Variants in CPS1 observed in about 807,000 individuals in gnomAD.
The protein encoded by CPS1 is carbamoyl-phosphate synthase 1, also known as carbamoyl-phosphate synthase [ammonia], mitochondrial.
CPS1 carries 109 observed loss-of-function variants against 174.6 expected under a neutral mutation model. The ratio of observed to expected loss-of-function variants is 0.62; its 90% CI spans 0.53 to 0.73. The LOEUF is 0.73. CPS1 is among the 30% of genes least tolerant of loss of function. The pLI is 0.00. For synonymous variants in CPS1, 637 were observed against 632.0 expected (o/e 1.01, Z -0.12); for missense variants, 1,689 against 1,821.9 (o/e 0.93, Z 1.33).
intron 1 of CPS1, among the ~76,000 whole-genome samples, chr2:210,514,785 CTT>C (rs59164194): frequency 4.3e-5 from 6 of 140,838 alleles, no homozygotes; most frequent in Non-Finnish European, 4.6e-5. Context: ...GGGAATGCTT[CTT>C]TTTTTTTTTT....
chr2:210,663,252 G>T (rs956601870), intron 33 of CPS1, 55 bp downstream of exon 33: 3 of 1,511,308 alleles, frequency 2.0e-6, no homozygotes, highest in Non-Finnish European at 2.8e-6. Flanking sequence ...GAAATCTATG[G>T]TTTTATGATT....
chr2:210,486,778 A>G (rs1327761262), intron 1 of CPS1, among the ~76,000 whole-genome samples: 1 of 152,178 alleles, frequency 6.6e-6, no homozygotes, highest in Non-Finnish European at 1.5e-5. Context: ...CCAAAGTGCC[A>G]GGATTATAAG....
rs1427021188 is a variant in CPS1 at position 210,616,405 on chromosome 2, C to A, written c.2569-18C>A. The stretch of plus-strand genomic sequence containing the variant: ...GAAAAATGTTTGCCAAAGAAAGTAT[C>A]TCTTCTCCTCTTGGCAGGCCATTGA... On this transcript the variant is annotated intron_variant, in intron 20 of 37. Transcript: ENST00000233072. 3 of 1,525,330 alleles carry A rather than the reference C, an allele frequency of 2.0e-6. No individual in the cohort carries two copies. The South Asian group carries it at 3.4e-5, about 17-fold the overall frequency. 94.5% of individuals were successfully genotyped at this position (1,525,330 alleles called of 1,614,324 possible). A position where few individuals can be genotyped will look rare whatever the true frequency, so the allele number is the denominator to read the frequency against.
chr2:210,614,500 A>G (rs1699236038), intron 20 of CPS1, among the ~76,000 whole-genome samples: 1 of 151,860 alleles, frequency 6.6e-6, no homozygotes, highest in African/African-American at 2.4e-5. Context: ...GGTTGAACTA[A>G]TTTACACTCC....
At chr2:210,605,626 T>TC (rs1201084701) in intron 17 of CPS1, among the ~76,000 whole-genome samples, 1 of 151,834 alleles carries the variant, frequency 6.6e-6, no homozygotes, top group African/African-American at 2.4e-5. Flanking sequence ...AAATAAGTTT[T>TC]TCAGAAAAGT....
At chr2:210,556,521 A>G (rs1696918054), upstream of CPS1, 2 of 1,423,862 alleles carry the variant, frequency 1.4e-6, no homozygotes, top group East Asian at 2.6e-5. Context: ...ACATCTCTGG[A>G]CATTACCTCA....
chr2:210,513,970 T>G (rs1695603635), intron 1 of CPS1, among the ~76,000 whole-genome samples: 1 of 151,978 alleles, frequency 6.6e-6, no homozygotes, highest in African/African-American at 2.4e-5. Context: ...TTGTTTTTGT[T>G]GAGTTTGTCA....
intron 25 of CPS1, 77 bp downstream of exon 25, chr2:210,642,742 G>T: frequency 7.8e-7 from 1 of 1,283,766 alleles, no homozygotes; most frequent in Non-Finnish European, 1.1e-6. Flanking sequence ...TATGCATTCT[G>T]GTATATAGAT....
At chr2:210,487,627 T>C (rs2105947427) in intron 1 of CPS1, among the ~76,000 whole-genome samples, 1 of 152,308 alleles carries the variant, frequency 6.6e-6, no homozygotes, top group Middle Eastern at 3.4e-3. Context: ...TTGGTATTCT[T>C]CCGATGACTT....
intron 5 of CPS1, among the ~76,000 whole-genome samples, chr2:210,580,727 G>A (rs1038284916): frequency 2.6e-5 from 4 of 151,694 alleles, no homozygotes; most frequent in African/African-American, 9.7e-5. Context: ...CAGTTATAGT[G>A]GTGCACACCT....
intron 1 of CPS1, among the ~76,000 whole-genome samples, chr2:210,532,852 A>C (rs762216933): frequency 4.6e-5 from 7 of 152,188 alleles, no homozygotes; most frequent in Admixed American, 1.3e-4. Context: ...TATTTTTTAA[A>C]GTTTTGATAG....
intron 18 of CPS1, among the ~76,000 whole-genome samples, chr2:210,607,799 C>T (rs546248172): frequency 3.3e-5 from 5 of 151,732 alleles, no homozygotes; most frequent in Non-Finnish European, 7.4e-5. Flanking sequence ...CAGAATAACC[C>T]AAACTGACAT....
intron 1 of CPS1, among the ~76,000 whole-genome samples, chr2:210,520,285 A>G (rs1695787193): frequency 6.6e-6 from 1 of 152,056 alleles, no homozygotes. Context: ...TAATCTAGCC[A>G]TCACACCCAA....
intron 21 of CPS1, chr2:210,619,682 T>C (rs1699439142): frequency 6.6e-6 from 1 of 152,114 alleles, no homozygotes; most frequent in Non-Finnish European, 1.5e-5. Flanking sequence ...GCTATTCTTA[T>C]TAAAAGATAA....
At chr2:210,667,066 A>T (rs571572567) in intron 33 of CPS1, among the ~76,000 whole-genome samples, 171 of 152,146 alleles carry the variant, frequency 1.1e-3, no homozygotes, top group African/African-American at 4.0e-3. Flanking sequence ...TGGATTCCTA[A>T]GTATTTTATT....
At chr2:210,613,576 A>G (rs542934142) in intron 20 of CPS1, among the ~76,000 whole-genome samples, 95 of 148,004 alleles carry the variant, frequency 6.4e-4, no homozygotes, top group African/African-American at 9.9e-4. Context: ...GTGTGTGTGT[A>G]TATATATATA....
Position 210,592,913 on chromosome 2 carries a change from T to C in CPS1, c.1121T>C (p.Val374Ala), listed in dbSNP as rs1698356846. The change falls in exon 11 of 38, where the codon GTG (valine) becomes GCG (alanine). Residue 374 changes from valine to alanine, a missense_variant. Coordinates refer to ENST00000233072, the MANE Select transcript of CPS1 (RefSeq NM_001875.5). ...IMHESKPFFA[V>A]QFHPEVTPGP... is the part of the protein sequence containing the mutation. The stretch of plus-strand genomic sequence containing the variant: ...CATGAGAGCAAACCCTTCTTCGCTG[T>C]GCAGTTCCACCCAGAGGTCACCCCG... 6.2e-7 allele frequency: 1 copy of C among 1,612,380 alleles called. No homozygotes were observed.
chr2:210,669,763 C>CT (rs1701234593), intron 34 of CPS1, among the ~76,000 whole-genome samples: 1 of 152,046 alleles, frequency 6.6e-6, no homozygotes, highest in African/African-American at 2.4e-5. Flanking sequence ...ATTATTAAGT[C>CT]CCAAGTAGGA....
At position 210,592,987 on chromosome 2, in the gene CPS1, T is replaced by G. The variant is rs756373047; in HGVS notation, c.1164+31T>G. 11 of 1,577,234 alleles carry G rather than the reference T, an allele frequency of 7.0e-6. No individual in the cohort carries two copies. The African/African-American group carries it at 1.5e-4, about 21-fold the overall frequency. On this transcript the variant is annotated intron_variant, in intron 11 of 37. Coordinates refer to ENST00000233072, the MANE Select transcript of CPS1 (RefSeq NM_001875.5). ...TCAAAAAGATGAGGCCTATTATGTATGCAAAAAAAAAATGTATTTGTGTGG... is the reference window on the plus strand; with the variant it reads ...TCAAAAAGATGAGGCCTATTATGTAGGCAAAAAAAAAATGTATTTGTGTGG...
Sources: gnomAD v4.1 joint callset for allele counts (sites outside exome capture counted in the v4.1 genomes callset) on GRCh38, gnomAD v4.1.1 for gene constraint, MANE v1.5 for transcripts, NCBI Gene and HGNC (gene_info 2026-07-23, HGNC 2026-07-21) for gene names.